The following DESI2 variants were observed in gnomAD, a reference collection of about 807,000 sequenced individuals.
DESI2 encodes the protein desumoylating isopeptidase 2.
A neutral mutation model predicts 24.1 loss-of-function variants in DESI2; 10 were observed. That is an observed-to-expected ratio of 0.41 (90% confidence interval 0.26 to 0.70). DESI2 has a LOEUF of 0.70. DESI2 is among the 30% of genes least tolerant of loss of function. The probability of loss-of-function intolerance (pLI) is 0.29; values close to 1 mark genes in which losing one functional copy is unlikely to be tolerated. For missense variants in DESI2, 122 were observed against 234.9 expected (o/e 0.52, Z 3.14); for synonymous variants, 71 against 87.7 (o/e 0.81, Z 1.06).
rs539427554 is a variant in DESI2 at position 244,657,473 on chromosome 1, A to G, written c.42+4118A>G. Among the ~76,000 whole-genome samples the G allele has an allele frequency of 2.6e-5, 4 of 152,308 alleles. No individual in the cohort carries two copies. In the East Asian group the frequency reaches 7.7e-4, roughly 29 times the overall value. On this transcript the variant is annotated intron_variant, in intron 1 of 4. Transcript: ENST00000302550. ...TTCCCAAACCGGAAACCTGGGAGTA[A>G]ACTTAAATTCTTCTTTATTATAAAC...
intron 1 of DESI2, among the ~76,000 whole-genome samples, chr1:244,680,707 G>A (rs185652624): frequency 1.3e-3 from 200 of 152,304 alleles, no homozygotes; most frequent in African/African-American, 4.7e-3. Context: ...AGGAAAAATA[G>A]TGGGGGTTGG....
At chr1:244,675,105 G>T (rs1355497777) in intron 1 of DESI2, among the ~76,000 whole-genome samples, 1 of 152,088 alleles carries the variant, frequency 6.6e-6, no homozygotes, top group Non-Finnish European at 1.5e-5. Flanking sequence ...CTTCTTAGAA[G>T]AAATACTTTT....
chr1:244,674,870 A>C (rs1248070530), intron 1 of DESI2, among the ~76,000 whole-genome samples: 1 of 152,232 alleles, frequency 6.6e-6, no homozygotes, highest in Non-Finnish European at 1.5e-5. Flanking sequence ...TCTTGGGCAT[A>C]TGCCTAGAAA....
In DESI2 at chr1:244,703,000, C is replaced by CTT. The variant is rs72210181; in HGVS notation, c.352-2541_352-2540dup. Reference sequence around the variant, plus strand: ...ACAATGTAATATTTGTTTGCCAGCGCTTTTTTTTTTTTTTTTGGTGAGACG... The same window carrying CTT: ...ACAATGTAATATTTGTTTGCCAGCGCTTTTTTTTTTTTTTTTTTGGTGAGACG... On this transcript the variant is annotated intron_variant, in intron 4 of 4. Transcript: ENST00000302550. 3.3e-4 allele frequency among the ~76,000 whole-genome samples: 43 copies of CTT among 131,638 alleles called. 1 individual carries two copies. The highest frequency in any genetic ancestry group is 1.1e-3 in the African/African-American group (39 of 34,958). The allele number at this position is 131,638 out of a possible 152,430, so 86.4% of individuals were successfully genotyped here. A position where few individuals can be genotyped will look rare whatever the true frequency, so the allele number is the denominator to read the frequency against.
rs569844279 is a variant in DESI2, at chr1:244,703,869, A to T, written c.352-1687A>T. On this transcript the variant is annotated intron_variant, in intron 4 of 4. Transcript: ENST00000302550. ...GAGATGGGGTTTCACTGTGTTAGCC[A>T]GGATGGTCTCGATCTCCTGACCTCA... 3.3e-5 allele frequency among the ~76,000 whole-genome samples: 5 copies of T among 152,210 alleles called. No individual in the cohort carries two copies. In the South Asian group the frequency reaches 1.0e-3, roughly 32 times the overall value.
In DESI2 at chr1:244,708,083, T is replaced by A. The variant is rs933955923; in HGVS notation, c.*2294T>A. The A allele has an allele frequency of 2.0e-5, 3 of 152,330 alleles. No homozygotes were observed. The East Asian group carries it at 5.8e-4, about 29-fold the overall frequency. The allele number at this position is 152,330 out of a possible 1,614,324, so 9.4% of individuals were successfully genotyped here. ...AAAATTGAGAATGGATTTAATTAAC[T>A]AGCATTTAGCCAGCTTTTTCTTGCC... On this transcript the variant is annotated 3_prime_UTR_variant, in exon 5 of 5. Transcript: ENST00000302550.
chr1:244,660,418 G>T (rs12126457), intron 1 of DESI2, among the ~76,000 whole-genome samples: 58,858 of 151,968 alleles, frequency 0.39, 12,899 homozygotes, highest in Middle Eastern at 0.51. Context: ...CACCTGCCTC[G>T]GCCGCCCAAA....
intron 4 of DESI2, among the ~76,000 whole-genome samples, chr1:244,699,490 G>A (rs1233870874): frequency 3.4e-5 from 5 of 148,182 alleles, no homozygotes; most frequent in African/African-American, 1.2e-4. Context: ...GCTGAGGCAG[G>A]AGAATTCCTT....
chr1:244,690,218 C>G (rs1031173148), intron 3 of DESI2, among the ~76,000 whole-genome samples: 1 of 152,130 alleles, frequency 6.6e-6, no homozygotes, highest in Non-Finnish European at 1.5e-5. Flanking sequence ...ATCCCTCCCC[C>G]AGGCTCCCAC....
At chr1:244,683,381 G>T (rs1042201459) in intron 1 of DESI2, among the ~76,000 whole-genome samples, 7 of 150,650 alleles carry the variant, frequency 4.6e-5, no homozygotes, top group Non-Finnish European at 1.5e-5. Context: ...GCGTGATCTC[G>T]GCTCACTGCA....
At chr1:244,682,782 CAGG>C (rs1481427278) in intron 1 of DESI2, among the ~76,000 whole-genome samples, 1 of 151,042 alleles carries the variant, frequency 6.6e-6, no homozygotes, top group African/African-American at 2.4e-5. Context: ...GATTGGTCTG[CAGG>C]AGTTGTTTGC....
In DESI2 at chr1:244,706,661, G is replaced by T. The variant is rs577049259; in HGVS notation, c.*872G>T. 1 of 152,588 alleles carries T rather than the reference G, an allele frequency of 6.6e-6. No individual in the cohort carries two copies. Among genetic ancestry groups the T allele is most frequent in the Non-Finnish European group, 1.5e-5 (1 of 68,044 alleles). The allele number at this position is 152,588 out of a possible 1,614,324, so 9.5% of individuals were successfully genotyped here. A position where few individuals can be genotyped will look rare whatever the true frequency, so the allele number is the denominator to read the frequency against. On this transcript the variant is annotated 3_prime_UTR_variant, in exon 5 of 5. Transcript: ENST00000302550. ...TGGTGTGGGAATATCCTAAGTGGTA[G>T]CCTTCCAAGTAGCAGTGAGTTGACA...
chr1:244,689,656 T>C lies in DESI2; in HGVS notation c.209+314T>C, dbSNP rs577334776. Among the ~76,000 whole-genome samples, 15 of 152,254 alleles carry C rather than the reference T, an allele frequency of 9.9e-5. No individual in the cohort carries two copies. The highest frequency in any genetic ancestry group is 3.6e-4 in the African/African-American group (15 of 41,550). On this transcript the variant is annotated intron_variant, in intron 3 of 4. Transcript: ENST00000302550. The surrounding 1 kb of genome is among the most constrained non-coding windows in gnomAD (Gnocchi z 4.0). ...TCCCAAGTAGCTGGGATTACAGGCG[T>C]GCACCACGACGTCCGGCTAATTTTT...
chr1:244,695,342 T>C (rs1401204611), intron 4 of DESI2, among the ~76,000 whole-genome samples: 1 of 152,234 alleles, frequency 6.6e-6, no homozygotes, highest in Non-Finnish European at 1.5e-5. Context: ...ACTCGTCTAA[T>C]CTAAATGTCT....
chr1:244,691,792 G>T, intron 3 of DESI2, 87 bp from the exon 4 acceptor site: 4 of 1,022,606 alleles, frequency 3.9e-6, no homozygotes, highest in Non-Finnish European at 5.5e-6. Flanking sequence ...CTGGAAATAA[G>T]CAAGTATTTA....
intron 1 of DESI2, among the ~76,000 whole-genome samples, chr1:244,655,429 TG>T (rs1253341959): frequency 6.6e-6 from 1 of 152,234 alleles, no homozygotes; most frequent in Non-Finnish European, 1.5e-5. Context: ...TTAATAAACT[TG>T]GTCTTATATG....
At chr1:244,699,835 A>G (rs1353313593) in intron 4 of DESI2, among the ~76,000 whole-genome samples, 1 of 152,190 alleles carries the variant, frequency 6.6e-6, no homozygotes, top group Non-Finnish European at 1.5e-5. Flanking sequence ...GCTCTTCCCT[A>G]AAAACTTCCA....
At chr1:244,654,228 CTTTGTTCTGTAGAATGGGTT>C (rs1205334401) in intron 1 of DESI2, among the ~76,000 whole-genome samples, 1 of 152,180 alleles carries the variant, frequency 6.6e-6, no homozygotes, top group Non-Finnish European at 1.5e-5. Context: ...TGTTTGCTTG[CTTTGTTCTGTAGAATGGGTT>C]TTTGTTCTGT....
chr1:244,677,373 A>C (rs111834764), intron 1 of DESI2, among the ~76,000 whole-genome samples: 2,107 of 152,170 alleles, frequency 0.014, 35 homozygotes, highest in Non-Finnish European at 0.017. Flanking sequence ...TTTCATTTCC[A>C]TTAGGTTGGT....
Sources: gnomAD v4.1 joint callset for allele counts (sites outside exome capture counted in the v4.1 genomes callset) on GRCh38, gnomAD v4.1.1 for gene constraint, Gnocchi (gnomAD v3.1) non-coding constraint, MANE v1.5 for transcripts, NCBI Gene and HGNC (gene_info 2026-07-23, HGNC 2026-07-21) for gene names.